Variants in RBBP6 observed in about 807,000 individuals in gnomAD.
RBBP6 encodes the protein E3 ubiquitin-protein ligase RBBP6.
A neutral mutation model predicts 167.7 loss-of-function variants in RBBP6; 25 were observed. The ratio of observed to expected loss-of-function variants is 0.15; its 90% CI spans 0.11 to 0.21. The LOEUF is 0.21. Ranked by LOEUF, RBBP6 falls within the 10% of genes least tolerant of loss-of-function variation. RBBP6 has a pLI of 1.00. For synonymous variants in RBBP6, 789 were observed against 735.8 expected (o/e 1.07, Z -1.17); for missense variants, 1,868 against 2,134.2 (o/e 0.88, Z 2.46).
intron 1 of RBBP6, among the ~76,000 whole-genome samples, chr16:24,542,593 G>C (rs899437842): frequency 6.6e-6 from 1 of 152,056 alleles, no homozygotes; most frequent in African/African-American, 2.4e-5. Context: ...CAAGTAGCTG[G>C]GACTACAGGC....
intron 3 of RBBP6, among the ~76,000 whole-genome samples, chr16:24,550,797 A>G (rs1052184597): frequency 1.3e-5 from 2 of 151,498 alleles, no homozygotes; most frequent in Non-Finnish European, 3.0e-5. Flanking sequence ...TCTGAAATAG[A>G]GATATTAGAT....
At chr16:24,561,178 C>A (rs1332383455) in intron 8 of RBBP6, among the ~76,000 whole-genome samples, 1 of 151,784 alleles carries the variant, frequency 6.6e-6, no homozygotes, top group Non-Finnish European at 1.5e-5. Flanking sequence ...TTGTTTTCTA[C>A]AATATTCCAG....
chr16:24,559,788 C>T (rs576620769), intron 8 of RBBP6, 111 bp downstream of exon 8: 2 of 1,006,174 alleles, frequency 2.0e-6, no homozygotes, highest in Non-Finnish European at 2.7e-6. Context: ...ATGTTGATGA[C>T]AAGTGTTGAT....
intron 2 of RBBP6, 27 bp downstream of exon 2, chr16:24,546,289 CAAAAT>C (rs1312826568): frequency 6.6e-7 from 1 of 1,512,700 alleles, no homozygotes; most frequent in Non-Finnish European, 8.8e-7. Flanking sequence ...ATGTATTTCT[CAAAAT>C]AGACTTTTTT....
Position 24,562,154 on chromosome 16 carries a change from C to T in RBBP6, c.1282C>T (p.Pro428Ser). ...AGTTCATTCAGAAAAATCAGATGGACCTTTTCGGTAAGCCTGTGTGTTTTT... is the reference window on the plus strand; with the variant it reads ...AGTTCATTCAGAAAAATCAGATGGATCTTTTCGGTAAGCCTGTGTGTTTTT... ...ISVHSEKSDG[P>S]FRDSDNKILP... The change falls in exon 10 of 18, where the codon CCT becomes TCT. Residue 428 changes from proline (P) to serine (S), a missense_variant. Pro to Ser is a moderately conservative substitution (Grantham distance 74). Transcript: ENST00000319715. 1 of 1,602,466 alleles carries T rather than the reference C, an allele frequency of 6.2e-7. No homozygotes were observed. The highest frequency in any genetic ancestry group is 8.5e-7 in the Non-Finnish European group (1 of 1,171,278).
chr16:24,551,651 A>G (rs975016715), intron 3 of RBBP6, among the ~76,000 whole-genome samples: 1 of 151,764 alleles, frequency 6.6e-6, no homozygotes, highest in Non-Finnish European at 1.5e-5. Flanking sequence ...AAAGGATACT[A>G]TATCTTAAGT....
intron 1 of RBBP6, among the ~76,000 whole-genome samples, chr16:24,545,612 CAGTCTTTA>C (rs1242179758): frequency 6.6e-5 from 10 of 152,096 alleles, no homozygotes; most frequent in Non-Finnish European, 1.3e-4. Context: ...GCTGGGTTCT[CAGTCTTTA>C]AGTATCCAGT....
rs1271841438 is a variant in RBBP6, at chr16:24,572,122, G to A, written c.5056G>A (p.Gly1686Ser). The A allele has an allele frequency of 6.2e-7, 1 of 1,614,052 alleles. No homozygotes were observed. The highest frequency in any genetic ancestry group is 2.2e-5 in the East Asian group (1 of 44,880). ...GGACACAGCAGCAGTTGTCCAGGTG[G>A]GCATAAGCAGGAATCAGAGCCACAG... Reference protein sequence around the residue: ...SLDTAAVVQVGISRNQSHSSP... With the variant: ...SLDTAAVVQVSISRNQSHSSP... Residue 1686 changes from glycine (G) to serine (S), a missense_variant, in exon 18 of 18, where the codon GGC (glycine) becomes AGC (serine). Gly to Ser is a moderately conservative substitution (Grantham distance 56). Transcript: ENST00000319715.
intron 14 of RBBP6, 81 bp downstream of exon 14, chr16:24,564,946 T>C: frequency 6.6e-7 from 1 of 1,517,748 alleles, no homozygotes; most frequent in African/African-American, 1.4e-5. Context: ...AGCACAGCAG[T>C]GGCAGGAAGG....
Position 24,563,258 on chromosome 16 carries a change from C to A in RBBP6, c.1349C>A (p.Thr450Asn). The part of the protein sequence containing the change: ...AALASEHSKG[T>N]SSIAITALME... ...CTTGCATCAGAGCACTCAAAGGGAA[C>A]CTCCTCAATTGCAATTACCGCTCTT... Residue 450 changes from threonine to asparagine, a missense_variant, in exon 11 of 18, where the codon ACC becomes AAC. Physicochemically the swap from Thr to Asn is moderately conservative, Grantham distance 65 (BLOSUM62 0). Around this residue, in one of 7 missense-constraint regions of RBBP6, gnomAD observed 245 missense variants for 240.1 expected, o/e 1.02. Transcript: ENST00000319715. The A allele has an allele frequency of 6.2e-7, 1 of 1,611,504 alleles. No individual in the cohort carries two copies. The highest frequency in any genetic ancestry group is 8.5e-7 in the Non-Finnish European group (1 of 1,178,798).
At chr16:24,541,204 C>CAAAA (rs1491180757) in intron 1 of RBBP6, among the ~76,000 whole-genome samples, 4 of 81,708 alleles carry the variant, frequency 4.9e-5, no homozygotes, top group African/African-American at 1.7e-4. Flanking sequence ...AAAAAAAAAA[C>CAAAA]CAAAAAAACA....
chr16:24,553,572 A>G lies in RBBP6; in HGVS notation c.348+15A>G, dbSNP rs1277004407. 2 of 1,533,020 alleles carry G rather than the reference A, an allele frequency of 1.3e-6. No homozygotes were observed. Among genetic ancestry groups the G allele is most frequent in the Non-Finnish European group, 1.8e-6 (2 of 1,126,826 alleles). The allele number at this position is 1,533,020 out of a possible 1,614,324, so 95.0% of individuals were successfully genotyped here. On this transcript the variant is annotated intron_variant, in intron 4 of 17. Coordinates refer to ENST00000319715, the MANE Select transcript of RBBP6 (RefSeq NM_006910.5). Reference sequence around the variant, plus strand: ...AGCTTACAAAGGTATATATATATATATATTCTTGAAAATATAAGTTTTTTT... The same window carrying G: ...AGCTTACAAAGGTATATATATATATGTATTCTTGAAAATATAAGTTTTTTT...
Position 24,571,570 on chromosome 16 carries a change from T to C in RBBP6, c.4504T>C (p.Ser1502Pro), listed in dbSNP as rs1310105221. ...ATTAACAAGACGAAAAGACTCTCCTTCTCGGAATAAAGATTCTGCATCTGG... is the reference window on the plus strand; with the variant it reads ...ATTAACAAGACGAAAAGACTCTCCTCCTCGGAATAAAGATTCTGCATCTGG... ...NELTRRKDSP[S>P]RNKDSASGQK... The change falls in exon 18 of 18, where the codon TCT (serine) becomes CCT (proline). Residue 1502 changes from serine (S) to proline (P), a missense_variant. This residue lies in a region of RBBP6 where 591 missense variants were observed against 540.5 expected (regional missense o/e 1.09). Coordinates refer to ENST00000319715, the MANE Select transcript of RBBP6 (RefSeq NM_006910.5). 3.1e-6 allele frequency: 5 copies of C among 1,612,540 alleles called. No individual in the cohort carries two copies. The highest frequency in any genetic ancestry group is 3.4e-6 in the Non-Finnish European group (4 of 1,179,686).
At position 24,546,398 on chromosome 16, in the gene RBBP6, A is replaced by G. The variant is rs945947542; in HGVS notation, c.266+136A>G. 83 of 1,095,510 alleles carry G rather than the reference A, an allele frequency of 7.6e-5. No individual in the cohort carries two copies. In the South Asian group the frequency reaches 1.8e-3, roughly 24 times the overall value. The allele number at this position is 1,095,510 out of a possible 1,614,324, so 67.9% of individuals were successfully genotyped here. On this transcript the variant is annotated intron_variant, in intron 2 of 17. Transcript: ENST00000319715. ...TACATCTTCTCAAGACTGTGAGGATAGTAGGTTTCTTTGTTCGTTTGTTTT... is the reference window on the plus strand; with the variant it reads ...TACATCTTCTCAAGACTGTGAGGATGGTAGGTTTCTTTGTTCGTTTGTTTT...
chr16:24,540,614 AT>A lies in RBBP6; in HGVS notation c.-12del, dbSNP rs755446498. 6.2e-6 allele frequency: 10 copies of A among 1,606,214 alleles called. No individual in the cohort carries two copies. The Admixed American group carries it at 1.7e-4, about 27-fold the overall frequency. On this transcript the variant is annotated 5_prime_UTR_variant, in exon 1 of 18. Coordinates refer to ENST00000319715, the MANE Select transcript of RBBP6 (RefSeq NM_006910.5). ...CACGTCTCCTCGCTGAACCTTAGGA[AT>A]CCCTTGGCACCATGTCCTGTGTGCA... is the stretch of plus-strand genomic sequence containing the variant.
chr16:24,568,662 G>A (rs1899250154), intron 16 of RBBP6, 83 bp from the exon 17 acceptor site: 3 of 1,481,372 alleles, frequency 2.0e-6, no homozygotes, highest in Non-Finnish European at 2.7e-6. Flanking sequence ...AAACCGTGAG[G>A]AAAGAATGCT....
chr16:24,561,997 T>C lies in RBBP6; in HGVS notation c.1125T>C (p.Ser375=). ...ATCCTCTTATGATTCCAGTGACATC[T>C]TCATCAACTCACCCAGCTCCGTCTA... ...QQDPLMIPVT[S]SSTHPAPSIS... is the part of the protein sequence containing the mutation. Residue 375 remains serine, a synonymous_variant, in exon 10 of 18, where the codon TCT becomes TCC. Coordinates refer to ENST00000319715, the MANE Select transcript of RBBP6 (RefSeq NM_006910.5). The C allele has an allele frequency of 6.2e-7, 1 of 1,613,828 alleles. No individual in the cohort carries two copies. The highest frequency in any genetic ancestry group is 8.5e-7 in the Non-Finnish European group (1 of 1,179,788).
At chr16:24,544,502 G>A (rs916490631) in intron 1 of RBBP6, among the ~76,000 whole-genome samples, 4 of 152,066 alleles carry the variant, frequency 2.6e-5, no homozygotes, top group Non-Finnish European at 5.9e-5. Flanking sequence ...ATTAAAAGCC[G>A]AATATGCCTA....
In RBBP6 at chr16:24,570,490, A is replaced by T; in HGVS notation, c.3800A>T (p.Asp1267Val). ...GTEGSSSTLVDYTSTSSTGGS... is the reference protein window; with the variant it reads ...GTEGSSSTLVVYTSTSSTGGS... ...GAAGGATCCAGCTCAACTCTGGTGGATTACACCAGGTAGCTGAGTGTAGGG... is the reference window on the plus strand; with the variant it reads ...GAAGGATCCAGCTCAACTCTGGTGGTTTACACCAGGTAGCTGAGTGTAGGG... The change falls in exon 17 of 18, where the codon GAT becomes GTT. Residue 1267 changes from aspartate (D) to valine (V), a missense_variant. Transcript: ENST00000319715. The T allele has an allele frequency of 6.3e-7, 1 of 1,579,340 alleles. No individual in the cohort carries two copies. Among genetic ancestry groups the T allele is most frequent in the Middle Eastern group, 1.7e-4 (1 of 5,864 alleles).
Sources: gnomAD v4.1 joint callset for allele counts (sites outside exome capture counted in the v4.1 genomes callset) on GRCh38, gnomAD v4.1.1 for gene constraint, gnomAD v4.1.1 regional missense constraint, MANE v1.5 for transcripts, NCBI Gene and HGNC (gene_info 2026-07-23, HGNC 2026-07-21) for gene names.